MCF2L: variants seen among roughly 807,000 people sequenced by gnomAD.
MCF2L encodes the protein MCF.2 cell line derived transforming sequence like.
MCF2L carries 97 observed loss-of-function variants against 153.4 expected under a neutral mutation model. The ratio of observed to expected loss-of-function variants is 0.63; its 90% CI spans 0.54 to 0.75. MCF2L has a LOEUF of 0.75. MCF2L is among the 30% of genes least tolerant of loss of function. MCF2L has a pLI of 0.00. For missense variants in MCF2L, 1,347 were observed against 1,495.2 expected (o/e 0.90, Z 1.64); for synonymous variants, 659 against 632.2 (o/e 1.04, Z -0.64).
rs572641048 is a variant in MCF2L, at chr13:112,972,597, G to A, written c.79+3139G>A. On this transcript the variant is annotated intron_variant, in intron 1 of 29. Transcript: ENST00000535094. ...GAATGGGTAGATGGATGGATGAGTG[G>A]ATGCTTGGACGGATGAGTGGATGGA... 3.2e-4 allele frequency among the ~76,000 whole-genome samples: 47 copies of A among 145,488 alleles called. 1 individual carries two copies. Among genetic ancestry groups the A allele is most frequent in the Admixed American group, 2.8e-3 (41 of 14,524 alleles).
In MCF2L at chr13:112,983,158, G is replaced by C. The variant is rs569963622; in HGVS notation, c.79+13700G>C. Among the ~76,000 whole-genome samples, 6 of 152,248 alleles carry C rather than the reference G, an allele frequency of 3.9e-5. No individual in the cohort carries two copies. In the East Asian group the frequency reaches 9.7e-4, roughly 25 times the overall value. On this transcript the variant is annotated intron_variant, in intron 1 of 29. Transcript: ENST00000535094. This position sits in a 1 kb window ranked among gnomAD's most constrained non-coding sequence, Gnocchi z 4.0. The stretch of plus-strand genomic sequence containing the variant: ...GACGCAGCACTCAGCAGGTGCCTCA[G>C]GGTTTGTTGGAGGTGAGGGGGTAGC...
chr13:112,969,557 G>T lies in MCF2L; in HGVS notation c.79+99G>T. ...TCTGATTTTTGTAAGCCGCCCTCGT[G>T]TTCCTTTCTAGCCGTGGTAGCTGTG... On this transcript the variant is annotated intron_variant, in intron 1 of 29. Coordinates refer to ENST00000535094, the MANE Select transcript of MCF2L (RefSeq NM_001112732.3). The surrounding 1 kb of genome is among the most constrained non-coding windows in gnomAD (Gnocchi z 4.8). 6.6e-7 allele frequency: 1 copy of T among 1,521,012 alleles called. No homozygotes were observed. The highest frequency in any genetic ancestry group is 2.0e-5 in the Admixed American group (1 of 49,994). 94.2% of individuals were successfully genotyped at this position (1,521,012 alleles called of 1,614,324 possible). A position where few individuals can be genotyped will look rare whatever the true frequency, so the allele number is the denominator to read the frequency against.
At chr13:113,016,860 G>A (rs193035081) in intron 2 of MCF2L, among the ~76,000 whole-genome samples, 193 of 152,170 alleles carry the variant, frequency 1.3e-3, no homozygotes, top group African/African-American at 4.1e-3. Flanking sequence ...ACCACCTCAC[G>A]TCCTCCCGTG....
intron 2 of MCF2L, among the ~76,000 whole-genome samples, chr13:112,947,385 C>T (rs1052650828): frequency 1.3e-5 from 2 of 152,196 alleles, no homozygotes; most frequent in Non-Finnish European, 2.9e-5. Flanking sequence ...AATCTAAATT[C>T]CAGAGTCTCC....
rs369832755 is a variant in MCF2L, at chr13:113,082,468, C to T, written c.1917C>T (p.Leu639=). 8 of 1,613,986 alleles carry T rather than the reference C, an allele frequency of 5.0e-6. No individual in the cohort carries two copies. In the African/African-American group the frequency reaches 9.3e-5, roughly 19 times the overall value. Residue 639 remains leucine (L), a synonymous_variant, in exon 17 of 30, where the codon CTC becomes CTT. Coordinates refer to ENST00000535094, the MANE Select transcript of MCF2L (RefSeq NM_001112732.3). ...TGGATAACCCACTGATGGCTCACCT[C>T]CTGTCAACAGGCCTTCACAACAAGA... ...AEMDNPLMAH[L]LSTGLHNKKD... is the part of the protein sequence containing the mutation.
At chr13:113,047,997 G>C (rs2086938363) in intron 4 of MCF2L, among the ~76,000 whole-genome samples, 1 of 151,988 alleles carries the variant, frequency 6.6e-6, no homozygotes, top group African/African-American at 2.4e-5. Flanking sequence ...GTCACTCCCG[G>C]GTTAGATGAC....
At chr13:112,914,539 T>C (rs1194798440) in intron 2 of MCF2L, among the ~76,000 whole-genome samples, 1 of 152,228 alleles carries the variant, frequency 6.6e-6, no homozygotes, top group African/African-American at 2.4e-5. Flanking sequence ...TTTGACAGTA[T>C]TCCTCAGGTA....
chr13:113,091,297 T>G (rs4907485), intron 26 of MCF2L: 603,530 of 1,025,740 alleles, frequency 0.59, 180,102 homozygotes, highest in Non-Finnish European at 0.62. Context: ...GGGGATGCTC[T>G]CGTGGGTCTT....
intron 1 of MCF2L, among the ~76,000 whole-genome samples, chr13:112,894,762 C>G (rs1001441985): frequency 6.6e-6 from 1 of 152,158 alleles, no homozygotes; most frequent in Admixed American, 6.5e-5. Flanking sequence ...GGTGTCACCC[C>G]CTGGACGGGC....
rs755597326 is a variant in MCF2L, at chr13:113,096,791, G to T, written c.3310G>T (p.Ala1104Ser). ...CCCCGCAGAGTCGAGCCCGGGGTCG[G>T]CCGTGCTGAGCAACTCGTCCAGCTG... is the stretch of plus-strand genomic sequence containing the variant. ...LSSSESSPGS[A>S]VLSNSSSCSE... Residue 1104 changes from alanine (A) to serine (S), a missense_variant, in exon 30 of 30, where the codon GCC becomes TCC. Ala to Ser is a moderately conservative substitution (Grantham distance 99). Around this residue, in one of 3 missense-constraint regions of MCF2L, gnomAD observed 383 missense variants for 335.4 expected, o/e 1.14. Transcript: ENST00000535094. 5.6e-5 allele frequency: 88 copies of T among 1,561,160 alleles called. 2 individuals carry two copies. The South Asian group carries it at 9.5e-4, about 17-fold the overall frequency.
At chr13:112,962,048 C>T (rs1015062364) in intron 2 of MCF2L, among the ~76,000 whole-genome samples, 17 of 148,494 alleles carry the variant, frequency 1.1e-4, no homozygotes, top group Admixed American at 2.7e-4. Flanking sequence ...CACACACACA[C>T]GGACACGCAC....
At chr13:113,077,985 G>C (rs561683134) in intron 13 of MCF2L, among the ~76,000 whole-genome samples, 1 of 152,208 alleles carries the variant, frequency 6.6e-6, no homozygotes, top group Non-Finnish European at 1.5e-5. Flanking sequence ...CTGTGTCCCC[G>C]TGGGCTGTGG....
At chr13:112,927,502 A>G (rs914935652) in intron 2 of MCF2L, among the ~76,000 whole-genome samples, 1 of 152,172 alleles carries the variant, frequency 6.6e-6, no homozygotes, top group Non-Finnish European at 1.5e-5. Context: ...GTTTCCAACG[A>G]GCCTACAACA....
rs186879127 is a variant in MCF2L, at chr13:112,996,453, G to A, written c.80-18310G>A. On this transcript the variant is annotated intron_variant, in intron 1 of 29. Coordinates refer to ENST00000535094, the MANE Select transcript of MCF2L (RefSeq NM_001112732.3). Reference sequence around the variant, plus strand: ...GGCCGTGCTACCCTGGGCTATGTGTGCAGCGGGGCTGGGACGGGCCAGGCT... The same window carrying A: ...GGCCGTGCTACCCTGGGCTATGTGTACAGCGGGGCTGGGACGGGCCAGGCT... Among the ~76,000 whole-genome samples the A allele has an allele frequency of 1.2e-3, 190 of 152,354 alleles. 1 individual carries two copies. Among genetic ancestry groups the A allele is most frequent in the African/African-American group, 4.5e-3 (186 of 41,590 alleles).
intron 2 of MCF2L, chr13:112,957,746 C>G (rs1427909860): frequency 1.3e-5 from 2 of 152,056 alleles, no homozygotes; most frequent in Non-Finnish European, 2.9e-5. Flanking sequence ...AACCTATGAC[C>G]CTTGTAGTCT....
Position 113,046,718 on chromosome 13 carries a change from G to A in MCF2L, c.369+1357G>A, listed in dbSNP as rs1436113000. The A allele has an allele frequency of 7.7e-6, 4 of 516,244 alleles. No homozygotes were observed. The highest frequency in any genetic ancestry group is 5.6e-5 in the East Asian group (1 of 17,766). The allele number at this position is 516,244 out of a possible 1,614,324, so 32.0% of individuals were successfully genotyped here. On this transcript the variant is annotated intron_variant, in intron 4 of 29. Coordinates refer to ENST00000535094, the MANE Select transcript of MCF2L (RefSeq NM_001112732.3). The surrounding 1 kb of genome is among the most constrained non-coding windows in gnomAD (Gnocchi z 4.4). ...ATGAGGCATCTCCTTGCACCCCCAC[G>A]GCACCTCTCTGCCCCTCGCCGCGGC...
intron 4 of MCF2L, among the ~76,000 whole-genome samples, chr13:113,056,686 GGGTGCTGAGTGTTTA>G (rs2029893443): frequency 6.7e-6 from 1 of 148,980 alleles, no homozygotes; most frequent in Non-Finnish European, 1.5e-5. Context: ...CGGAGTGTTT[GGGTGCTGAGTGTTTA>G]GGTGCTGTGT....
intron 25 of MCF2L, among the ~76,000 whole-genome samples, chr13:113,088,861 C>T (rs1408101839): frequency 2.6e-5 from 4 of 152,244 alleles, no homozygotes; most frequent in Admixed American, 2.0e-4. Context: ...GGCTGTTCCA[C>T]AGCACGGCAG....
chr13:112,945,457 T>G, intron 2 of MCF2L, among the ~76,000 whole-genome samples: 1 of 152,188 alleles, frequency 6.6e-6, no homozygotes, highest in South Asian at 2.1e-4. Flanking sequence ...AAATATAAAG[T>G]CTATTAATGT....
Sources: allele counts gnomAD v4.1 joint callset (sites outside exome capture counted in the v4.1 genomes callset), GRCh38; gene constraint gnomAD v4.1.1; regional missense constraint gnomAD v4.1.1; non-coding constraint Gnocchi (gnomAD v3.1); transcripts MANE v1.5; gene names NCBI Gene and HGNC (gene_info 2026-07-23, HGNC 2026-07-21).